Variants in TRDN observed in about 807,000 individuals in gnomAD.
TRDN encodes the protein triadin in skeletal muscle.
TRDN carries 161 observed loss-of-function variants against 149.7 expected under a neutral mutation model. That is an observed-to-expected ratio of 1.08 (90% CI 0.95 to 1.23). The LOEUF is 1.23. Among genes scored for constraint, TRDN ranks in the 50% most tolerant of loss-of-function variants. The pLI is 0.00. For synonymous variants in TRDN, 294 were observed against 250.5 expected, an observed-to-expected ratio of 1.17 and a Z score of -1.64; for missense variants, 896 against 823.5, an observed-to-expected ratio of 1.09 and a Z score of -1.08.
In TRDN at chr6:123,377,745, G is replaced by A. The variant is rs773907258; in HGVS notation, c.1220-3C>T. On this transcript the variant is annotated splice_region_variant and splice_polypyrimidine_tract_variant and intron_variant, in intron 17 of 40. Transcript: ENST00000334268. ...GTGTTCTTTCTTTGGTGACTTTGCT[G>A]TATCAAAAAGGAAAGAAAAAAAAAT... 27 of 1,612,578 alleles carry A rather than the reference G, an allele frequency of 1.7e-5. No individual in the cohort carries two copies. The highest frequency in any genetic ancestry group is 2.2e-5 in the Non-Finnish European group (26 of 1,179,480).
chr6:123,424,747 G>A (rs923325753), intron 12 of TRDN, among the ~76,000 whole-genome samples: 4 of 152,096 alleles, frequency 2.6e-5, no homozygotes, highest in Admixed American at 1.3e-4. Flanking sequence ...AGGTGTTATC[G>A]TCGCCCTTCA....
At chr6:123,463,631 G>A (rs548498747) in intron 10 of TRDN, among the ~76,000 whole-genome samples, 26 of 152,070 alleles carry the variant, frequency 1.7e-4, no homozygotes, top group Admixed American at 4.6e-4. Flanking sequence ...TTAAGGCAAC[G>A]CTATTATTTA....
intron 23 of TRDN, among the ~76,000 whole-genome samples, chr6:123,326,318 C>T (rs1337012399): frequency 6.6e-6 from 1 of 151,952 alleles, no homozygotes; most frequent in Non-Finnish European, 1.5e-5. Context: ...CTAAAAATAC[C>T]TCAAATTCAG....
chr6:123,369,193 T>C (rs1781228215), intron 19 of TRDN, among the ~76,000 whole-genome samples: 1 of 152,180 alleles, frequency 6.6e-6, no homozygotes, highest in Non-Finnish European at 1.5e-5. Context: ...TGCTTTTATG[T>C]TCATGTGGCA....
At chr6:123,220,059 G>C (rs913615968) in intron 40 of TRDN, among the ~76,000 whole-genome samples, 10 of 151,850 alleles carry the variant, frequency 6.6e-5, no homozygotes, top group African/African-American at 2.4e-4. Context: ...CTATAGAACT[G>C]CCTTCTTGTA....
At chr6:123,301,768 T>TATATATATATACATATATATATATATAA in intron 24 of TRDN, among the ~76,000 whole-genome samples, 1 of 92,752 alleles carries the variant, frequency 1.1e-5, no homozygotes, top group Non-Finnish European at 2.3e-5. Flanking sequence ...TATATATATA[T>TATATATATATACATATATATATATATAA]ACATATATAT....
chr6:123,259,473 T>G, intron 35 of TRDN, 151 bp downstream of exon 35: 1 of 558,582 alleles, frequency 1.8e-6, no homozygotes, highest in Non-Finnish European at 3.2e-6. Context: ...CATGATGAAC[T>G]GTAATGTACT....
intron 5 of TRDN, among the ~76,000 whole-genome samples, chr6:123,517,817 T>G (rs550458332): frequency 1.3e-5 from 2 of 152,270 alleles, no homozygotes; most frequent in South Asian, 4.1e-4. Flanking sequence ...TTCTTTGATC[T>G]CTATTTATTC....
At chr6:123,240,340 T>C (rs1389509391) in intron 38 of TRDN, among the ~76,000 whole-genome samples, 2 of 151,794 alleles carry the variant, frequency 1.3e-5, no homozygotes, top group African/African-American at 4.8e-5. Flanking sequence ...ATGAAAGCTA[T>C]GAAAAAAAAT....
At chr6:123,254,975 C>T (rs2114576306) in intron 37 of TRDN, 106 bp downstream of exon 37, 1 of 688,804 alleles carries the variant, frequency 1.5e-6, no homozygotes, top group South Asian at 1.6e-5. Context: ...GAGAAGTTTG[C>T]ATCTTCTAGA....
chr6:123,295,511 T>C (rs756004362), intron 24 of TRDN, among the ~76,000 whole-genome samples: 3 of 152,174 alleles, frequency 2.0e-5, no homozygotes, highest in Non-Finnish European at 4.4e-5. Context: ...TATAATGTAT[T>C]ATATATTTTA....
chr6:123,224,014 GAA>G (rs11368178), intron 39 of TRDN, 77 bp downstream of exon 39: 38,787 of 1,115,632 alleles, frequency 0.035, 2 homozygotes, highest in Admixed American at 0.049. Flanking sequence ...GAATAGCTAG[GAA>G]AAAAAAAAAA....
chr6:123,366,309 G>T (rs1172887293), intron 19 of TRDN, 127 bp from the exon 20 acceptor site: 16 of 782,958 alleles, frequency 2.0e-5, no homozygotes, highest in Admixed American at 3.1e-5. Context: ...AAGCTGTAGA[G>T]AAAGCCAAAA....
At chr6:123,477,920 G>A (rs1462176006) in intron 9 of TRDN, among the ~76,000 whole-genome samples, 1 of 147,414 alleles carries the variant, frequency 6.8e-6, no homozygotes, top group Admixed American at 6.8e-5. Flanking sequence ...GGGGTCGGGG[G>A]AGGGGGAAGG....
At position 123,260,650 on chromosome 6, in the gene TRDN, A is replaced by AG. The variant is rs762984627; in HGVS notation, c.1805-13_1805-12insC. ...TTCTGATGTTCCTTCTTTAGAAAAA[A>AG]AAAAAAAAAGAATGTAGAAAGAAAG... On this transcript the variant is annotated splice_polypyrimidine_tract_variant and intron_variant, in intron 33 of 40. Coordinates refer to ENST00000334268, the MANE Select transcript of TRDN (RefSeq NM_006073.4). 1.3e-5 allele frequency: 19 copies of AG among 1,461,032 alleles called. No homozygotes were observed. The South Asian group carries it at 2.3e-4, about 18-fold the overall frequency. 90.5% of individuals were successfully genotyped at this position (1,461,032 alleles called of 1,614,324 possible).
intron 24 of TRDN, among the ~76,000 whole-genome samples, chr6:123,300,878 A>T (rs570423174): frequency 2.3e-3 from 343 of 151,782 alleles, no homozygotes; most frequent in African/African-American, 7.9e-3. Flanking sequence ...ATATCTTACC[A>T]TTATGTCCAT....
intron 5 of TRDN, among the ~76,000 whole-genome samples, 197 bp from the exon 6 acceptor site, chr6:123,516,403 A>T (rs1002172963): frequency 6.6e-6 from 1 of 152,106 alleles, no homozygotes; most frequent in Non-Finnish European, 1.5e-5. Context: ...TTTATTTCAT[A>T]TCCAAGCACA....
intron 23 of TRDN, among the ~76,000 whole-genome samples, chr6:123,331,292 T>G (rs1275049067): frequency 6.6e-6 from 1 of 152,064 alleles, no homozygotes; most frequent in South Asian, 2.1e-4. Context: ...AGGCTAGAGA[T>G]GCAACATGGC....
chr6:123,470,254 C>T (rs752928017), intron 9 of TRDN: 6 of 151,950 alleles, frequency 3.9e-5, no homozygotes, highest in Middle Eastern at 3.2e-3. Context: ...GGACAAGATA[C>T]GTAAAAGTGC....
Sources: allele counts gnomAD v4.1 joint callset (sites outside exome capture counted in the v4.1 genomes callset), GRCh38; gene constraint gnomAD v4.1.1; transcripts MANE v1.5; gene names NCBI Gene and HGNC (gene_info 2026-07-23, HGNC 2026-07-21).